WNT9A: variants seen among roughly 807,000 people sequenced by gnomAD.
The protein encoded by WNT9A is protein Wnt-9a.
In WNT9A, 8 loss-of-function variants were observed where a neutral mutation model predicts 31.4. That is an observed-to-expected ratio of 0.26 (90% CI 0.15 to 0.46). The LOEUF (loss-of-function observed/expected upper bound fraction) is 0.46. WNT9A is among the 20% of genes least tolerant of loss of function. The pLI is 0.99. For missense variants in WNT9A, 457 were observed against 522.9 expected, an observed-to-expected ratio of 0.87 and a Z score of 1.23; for synonymous variants, 236 against 220.1, an observed-to-expected ratio of 1.07 and a Z score of -0.64.
rs921883977 is a variant in WNT9A, at chr1:227,925,582, G to A, written c.96-63C>T. On this transcript the variant is annotated intron_variant, in intron 1 of 3. Transcript: ENST00000272164. The surrounding 1 kb of genome is among the most constrained non-coding windows in gnomAD (Gnocchi z 6.0). The stretch of plus-strand genomic sequence containing the variant: ...AAGCCCTGCTGGAGCCTGGCCAGGT[G>A]TCTCGGTGGCCAGGGTACAGGGGAC... 4 of 1,447,142 alleles carry A rather than the reference G, an allele frequency of 2.8e-6. No homozygotes were observed. Among genetic ancestry groups the A allele is most frequent in the Admixed American group, 2.6e-5 (1 of 38,604 alleles). The allele number at this position is 1,447,142 out of a possible 1,614,324, so 89.6% of individuals were successfully genotyped here.
At chr1:227,924,704 G>A (rs565832868) in intron 2 of WNT9A, among the ~76,000 whole-genome samples, 1 of 152,202 alleles carries the variant, frequency 6.6e-6, no homozygotes, top group Non-Finnish European at 1.5e-5. Flanking sequence ...GGGGCCATTG[G>A]CAAGGCCTGC....
intron 3 of WNT9A, 72 bp downstream of exon 3, chr1:227,924,066 A>ACCCCCCC: frequency 3.9e-5 from 1 of 25,380 alleles, no homozygotes; most frequent in South Asian, 7.8e-4. Context: ...CCCCAGTCCC[A>ACCCCCCC]CGCCCCACCC....
At chr1:227,945,478 G>A (rs2102733165) in intron 1 of WNT9A, among the ~76,000 whole-genome samples, 1 of 152,330 alleles carries the variant, frequency 6.6e-6, no homozygotes, top group East Asian at 1.9e-4. Context: ...TCAGGGAGCA[G>A]GCAGGGAGGG....
chr1:227,942,026 AG>A lies in WNT9A; in HGVS notation c.95+5766del, dbSNP rs1463679956. On this transcript the variant is annotated intron_variant, in intron 1 of 3. Transcript: ENST00000272164. This position sits in a 1 kb window ranked among gnomAD's most constrained non-coding sequence, Gnocchi z 5.7. ...CCTGTGTGCTCTTTCCTAGGGGAAG[AG>A]TCACCCACACGCTTCTTTGATGGCC... Among the ~76,000 whole-genome samples, 2 of 151,964 alleles carry A rather than the reference AG, an allele frequency of 1.3e-5. No homozygotes were observed. The highest frequency in any genetic ancestry group is 2.9e-5 in the Non-Finnish European group (2 of 67,974).
In WNT9A at chr1:227,921,118, TG is replaced by T; in HGVS notation, c.*399del. Reference sequence around the variant, plus strand: ...TGCAGGTGTAGACCTTCTCACACCATGTGCAATGCCTGCACTCTGAGCAGCA... The same window carrying T: ...TGCAGGTGTAGACCTTCTCACACCATTGCAATGCCTGCACTCTGAGCAGCA... On this transcript the variant is annotated 3_prime_UTR_variant, in exon 4 of 4. Transcript: ENST00000272164. The T allele has an allele frequency of 4.6e-6, 1 of 217,442 alleles. No homozygotes were observed. Among genetic ancestry groups the T allele is most frequent in the Non-Finnish European group, 9.3e-6 (1 of 107,960 alleles). The allele number at this position is 217,442 out of a possible 1,614,324, so 13.5% of individuals were successfully genotyped here. A position where few individuals can be genotyped will look rare whatever the true frequency, so the allele number is the denominator to read the frequency against.
chr1:227,946,639 G>A (rs1359021300), intron 1 of WNT9A, among the ~76,000 whole-genome samples: 1 of 152,260 alleles, frequency 6.6e-6, no homozygotes, highest in Non-Finnish European at 1.5e-5. Context: ...AGAAGAAAGG[G>A]AGAGAAAGAA....
rs368591502 is a variant in WNT9A at position 227,925,454 on chromosome 1, G to T, written c.161C>A (p.Ala54Glu). The T allele has an allele frequency of 2.6e-5, 41 of 1,578,356 alleles. No individual in the cohort carries two copies. Among genetic ancestry groups the T allele is most frequent in the Non-Finnish European group, 3.4e-5 (40 of 1,166,560 alleles). ...LTLEPEAAAQ[A>E]HYKACDRLKL... ...CAGCCGGTCGCAGGCCTTGTAGTGC[G>T]CCTGGGCAGCCGCCTCTGGCTCCAG... The change falls in exon 2 of 4, where the codon GCG becomes GAG. Residue 54 changes from alanine to glutamate, a missense_variant. Transcript: ENST00000272164. This position sits in a 1 kb window ranked among gnomAD's most constrained non-coding sequence, Gnocchi z 6.0.
At chr1:227,931,333 C>T (rs1196935914) in intron 1 of WNT9A, among the ~76,000 whole-genome samples, 2 of 152,204 alleles carry the variant, frequency 1.3e-5, no homozygotes, top group African/African-American at 4.8e-5. Context: ...TTTCTTCTCT[C>T]TAGCTCTTCC....
chr1:227,944,877 AG>A (rs1372189304), intron 1 of WNT9A, among the ~76,000 whole-genome samples: 1 of 152,214 alleles, frequency 6.6e-6, no homozygotes, highest in African/African-American at 2.4e-5. Context: ...AAAGAACTCC[AG>A]TGGGAAGCCT....
intron 1 of WNT9A, among the ~76,000 whole-genome samples, chr1:227,938,581 GCAGA>G (rs1180024513): frequency 6.6e-6 from 1 of 151,908 alleles, no homozygotes; most frequent in Non-Finnish European, 1.5e-5. Flanking sequence ...ATACGCACGT[GCAGA>G]CACACAACCC....
intron 1 of WNT9A, among the ~76,000 whole-genome samples, chr1:227,946,649 A>T (rs1331814036): frequency 6.6e-6 from 1 of 152,264 alleles, no homozygotes; most frequent in Non-Finnish European, 1.5e-5. Flanking sequence ...GAGAGAAAGA[A>T]AAACACAAAG....
intron 1 of WNT9A, among the ~76,000 whole-genome samples, chr1:227,945,352 AG>A (rs557240330): frequency 1.2e-3 from 186 of 152,236 alleles, no homozygotes; most frequent in Middle Eastern, 6.8e-3. Flanking sequence ...GCCACCTGCT[AG>A]CCAGGCCAAG....
chr1:227,945,249 T>G (rs1214880530), intron 1 of WNT9A, among the ~76,000 whole-genome samples: 1 of 152,230 alleles, frequency 6.6e-6, no homozygotes, highest in Non-Finnish European at 1.5e-5. Flanking sequence ...GACCTCGGGC[T>G]GGCCTCCCTG....
Position 227,921,555 on chromosome 1 carries a change from C to A in WNT9A, c.1061G>T (p.Cys354Phe). 1 of 1,612,868 alleles carries A rather than the reference C, an allele frequency of 6.2e-7. No homozygotes were observed. The highest frequency in any genetic ancestry group is 8.5e-7 in the Non-Finnish European group (1 of 1,179,584). The change falls in exon 4 of 4, where the codon TGC becomes TTC. Residue 354 changes from cysteine (C) to phenylalanine (F), a missense_variant. By Grantham distance (205) the Cys-to-Phe change is radical (BLOSUM62 -2). Coordinates refer to ENST00000272164, the MANE Select transcript of WNT9A (RefSeq NM_003395.4). ...RWCCYVECRQ[C>F]TQREEVYTCK... ...GGTGTAGACCTCCTCACGCTGCGTG[C>A]ACTGCCTGCACTCCACATAGCAGCA...
rs151018598 is a variant in WNT9A, at chr1:227,921,742, G to C, written c.874C>G (p.Leu292Val). 126 of 1,612,454 alleles carry C rather than the reference G, an allele frequency of 7.8e-5. No individual in the cohort carries two copies. In the African/African-American group the frequency reaches 1.4e-3, roughly 18 times the overall value. ...PLPRTPELVHLDDSPSFCLAG... is the reference protein window; with the variant it reads ...PLPRTPELVHVDDSPSFCLAG... ...AGGCAGAAGCTAGGCGAGTCATCCA[G>C]GTGCACCAGCTCTGGAGTGCGGGGC... Residue 292 changes from leucine (L) to valine (V), a missense_variant, in exon 4 of 4, where the codon CTG (leucine) becomes GTG (valine). Physicochemically the swap from Leu to Val is conservative, Grantham distance 32 (BLOSUM62 1). Coordinates refer to ENST00000272164, the MANE Select transcript of WNT9A (RefSeq NM_003395.4).
chr1:227,936,707 C>T (rs572120445), intron 1 of WNT9A, among the ~76,000 whole-genome samples: 28 of 151,944 alleles, frequency 1.8e-4, no homozygotes, highest in Admixed American at 1.3e-3. Context: ...CTCACTGCAG[C>T]CTCCAGCTCC....
intron 1 of WNT9A, among the ~76,000 whole-genome samples, chr1:227,932,829 C>T (rs1666534918): frequency 6.6e-6 from 1 of 152,180 alleles, no homozygotes; most frequent in Non-Finnish European, 1.5e-5. Context: ...AGTGGGTCTC[C>T]ACAGTGGGCA....
Position 227,921,431 on chromosome 1 carries a change from C to T in WNT9A, c.*87G>A, listed in dbSNP as rs1483225095. On this transcript the variant is annotated 3_prime_UTR_variant, in exon 4 of 4. Coordinates refer to ENST00000272164, the MANE Select transcript of WNT9A (RefSeq NM_003395.4). Reference sequence around the variant, plus strand: ...CCCACGCAGCTGGGCTGGTCGAGCCCAGGAACTCAGCCTGTGCAGGTGTAG... The same window carrying T: ...CCCACGCAGCTGGGCTGGTCGAGCCTAGGAACTCAGCCTGTGCAGGTGTAG... The T allele has an allele frequency of 2.0e-6, 3 of 1,531,834 alleles. No homozygotes were observed. Among genetic ancestry groups the T allele is most frequent in the East Asian group, 2.3e-5 (1 of 44,078 alleles). The allele number at this position is 1,531,834 out of a possible 1,614,324, so 94.9% of individuals were successfully genotyped here. A position where few individuals can be genotyped will look rare whatever the true frequency, so the allele number is the denominator to read the frequency against.
rs1461062819 is a variant in WNT9A, at chr1:227,920,002, TC to T, written c.*1515del. ...CTCCACCGGCATCTGTCCCAATCTG[TC>T]CCCCAGTGACACAAAGCAAGCAGCT... On this transcript the variant is annotated 3_prime_UTR_variant, in exon 4 of 4. Coordinates refer to ENST00000272164, the MANE Select transcript of WNT9A (RefSeq NM_003395.4). 6.6e-6 allele frequency: 1 copy of T among 152,252 alleles called. No homozygotes were observed. Among genetic ancestry groups the T allele is most frequent in the South Asian group, 2.1e-4 (1 of 4,830 alleles). 9.4% of individuals were successfully genotyped at this position (152,252 alleles called of 1,614,324 possible).
Sources: allele counts gnomAD v4.1 joint callset (sites outside exome capture counted in the v4.1 genomes callset), GRCh38; gene constraint gnomAD v4.1.1; non-coding constraint Gnocchi (gnomAD v3.1); transcripts MANE v1.5; gene names NCBI Gene and HGNC (gene_info 2026-07-23, HGNC 2026-07-21).